The following PPP1R1C variants were observed in gnomAD, a reference collection of about 807,000 sequenced individuals.
PPP1R1C encodes the protein protein phosphatase 1 regulatory subunit 1C.
In PPP1R1C, 15 loss-of-function variants were observed where a neutral mutation model predicts 17.4. The ratio of observed to expected loss-of-function variants is 0.86; its 90% CI spans 0.58 to 1.33. The LOEUF is 1.33. Among genes scored for constraint, PPP1R1C ranks in the 40% most tolerant of loss-of-function variants. The pLI is 0.00. For synonymous variants in PPP1R1C, 35 were observed against 43.1 expected (o/e 0.81, Z 0.73); for missense variants, 143 against 130.0 (o/e 1.10, Z -0.48).
chr2:182,120,199 C>T (rs932883575), downstream of PPP1R1C, among the ~76,000 whole-genome samples: 4 of 152,094 alleles, frequency 2.6e-5, no homozygotes, highest in African/African-American at 9.7e-5. Context: ...CCAGGTTTGT[C>T]AAAGATCAGA....
chr2:181,999,637 T>C (rs1685703871), intron 2 of PPP1R1C, among the ~76,000 whole-genome samples: 1 of 152,164 alleles, frequency 6.6e-6, no homozygotes, highest in Admixed American at 6.5e-5. Flanking sequence ...TATATCCCAA[T>C]ATGTATTTCA....
At chr2:182,021,794 G>C (rs1009416701) in intron 2 of PPP1R1C, among the ~76,000 whole-genome samples, 1 of 152,188 alleles carries the variant, frequency 6.6e-6, no homozygotes, top group Non-Finnish European at 1.5e-5. Context: ...ATATGGTCTA[G>C]AAAGTATCAG....
chr2:181,989,729 G>GT (rs1028148009), intron 2 of PPP1R1C, among the ~76,000 whole-genome samples: 3 of 151,836 alleles, frequency 2.0e-5, no homozygotes, highest in African/African-American at 7.3e-5. Context: ...ACTTCTCTTT[G>GT]TTTTTTAAGC....
chr2:181,999,994 C>T (rs905017633), intron 2 of PPP1R1C, among the ~76,000 whole-genome samples: 3 of 152,148 alleles, frequency 2.0e-5, no homozygotes, highest in African/African-American at 7.2e-5. Context: ...TGTGCACATA[C>T]AGTCATCTTC....
At chr2:182,055,425 T>C (rs1687653932) in intron 2 of PPP1R1C, among the ~76,000 whole-genome samples, 1 of 152,186 alleles carries the variant, frequency 6.6e-6, no homozygotes, top group Non-Finnish European at 1.5e-5. Context: ...CATTTTTGCT[T>C]TTTCCATTAT....
chr2:182,129,981 G>A (rs1689968494), exon 6 of PPP1R1C: 2 of 152,026 alleles, frequency 1.3e-5, no homozygotes, highest in Admixed American at 6.6e-5. Context: ...AAGTAAATTT[G>A]AAACTTTAAT....
chr2:181,979,879 T>G (rs1685163427), intron 2 of PPP1R1C, among the ~76,000 whole-genome samples: 1 of 152,214 alleles, frequency 6.6e-6, no homozygotes, highest in African/African-American at 2.4e-5. Context: ...TTTTTGTGTG[T>G]TTTTGTGTAT....
intron 1 of PPP1R1C, among the ~76,000 whole-genome samples, chr2:181,971,385 G>A (rs183803639): frequency 6.6e-6 from 1 of 152,246 alleles, no homozygotes; most frequent in East Asian, 1.9e-4. Flanking sequence ...CTGGAATGGG[G>A]GACTCAGGAC....
intron 4 of PPP1R1C, among the ~76,000 whole-genome samples, chr2:182,079,112 A>T (rs1688399067): frequency 6.6e-6 from 1 of 152,258 alleles, no homozygotes; most frequent in Admixed American, 6.5e-5. Context: ...TCCAGAAACC[A>T]TTAAATCAGG....
At chr2:182,128,708 T>C (rs1420825949) in intron 5 of PPP1R1C, among the ~76,000 whole-genome samples, 1 of 152,154 alleles carries the variant, frequency 6.6e-6, no homozygotes, top group South Asian at 2.1e-4. Flanking sequence ...TTTTGTCTTT[T>C]AAAACTTCCC....
downstream of PPP1R1C, among the ~76,000 whole-genome samples, chr2:182,121,916 GA>G (rs555428375): frequency 7.6e-4 from 116 of 152,188 alleles, no homozygotes; most frequent in African/African-American, 2.7e-3. Flanking sequence ...ATTCATCTCT[GA>G]AAACTCCAGA....
intron 4 of PPP1R1C, among the ~76,000 whole-genome samples, chr2:182,092,503 TCTCAA>T (rs955531560): frequency 2.2e-4 from 34 of 152,036 alleles, no homozygotes; most frequent in African/African-American, 8.2e-4. Flanking sequence ...TCTCCCAAAT[TCTCAA>T]CTCATTTCAT....
At chr2:182,088,191 G>A (rs1688685628) in intron 4 of PPP1R1C, among the ~76,000 whole-genome samples, 3 of 152,104 alleles carry the variant, frequency 2.0e-5, no homozygotes, top group African/African-American at 4.8e-5. Context: ...AGATTTACGG[G>A]TAGATCTCTT....
intron 4 of PPP1R1C, among the ~76,000 whole-genome samples, chr2:182,077,755 G>A (rs989387764): frequency 6.6e-6 from 1 of 152,062 alleles, no homozygotes; most frequent in African/African-American, 2.4e-5. Context: ...TTCTTCATTG[G>A]CAATGAAACA....
chr2:182,061,551 T>C, intron 3 of PPP1R1C, 72 bp downstream of exon 3: 1 of 883,380 alleles, frequency 1.1e-6, no homozygotes, highest in East Asian at 3.1e-5. Context: ...CTTGATTTGA[T>C]GTGATATAAA....
In PPP1R1C at chr2:181,993,707, CAT is replaced by C. The variant is rs552122778; in HGVS notation, c.142+5809_142+5810del. On this transcript the variant is annotated intron_variant, in intron 2 of 4. Transcript: ENST00000682840. ...CTGAATGATTTTTTAAAAAGTTACA[CAT>C]GTGGCTTTCAGTGATTCATGTACTG... 1.2e-4 allele frequency among the ~76,000 whole-genome samples: 19 copies of C among 152,230 alleles called. No individual in the cohort carries two copies. In the East Asian group the frequency reaches 3.7e-3, roughly 29 times the overall value.
At chr2:181,990,698 A>C (rs1469768023) in intron 2 of PPP1R1C, among the ~76,000 whole-genome samples, 2 of 152,242 alleles carry the variant, frequency 1.3e-5, no homozygotes, top group African/African-American at 4.8e-5. Flanking sequence ...GCGATCCAAC[A>C]GTTTCTTTTC....
downstream of PPP1R1C, chr2:182,131,355 T>C (rs2125245419): frequency 6.6e-6 from 1 of 152,216 alleles, no homozygotes; most frequent in East Asian, 1.9e-4. Flanking sequence ...TTTTGCTGTA[T>C]GGAAATAAAA....
In PPP1R1C at chr2:182,103,039, A is replaced by G. The variant is rs1272508286; in HGVS notation, c.242-14168A>G. 5.3e-5 allele frequency among the ~76,000 whole-genome samples: 8 copies of G among 152,150 alleles called. No homozygotes were observed. In the South Asian group the frequency reaches 1.0e-3, roughly 20 times the overall value. On this transcript the variant is annotated intron_variant, in intron 4 of 4. Transcript: ENST00000682840. ...GGCTGGTCTCAAACTCCTGGGCTCA[A>G]GCAATCCACCTGCCTTGGCCTCCCA...
Sources: gnomAD v4.1 joint callset for allele counts (sites outside exome capture counted in the v4.1 genomes callset) on GRCh38, gnomAD v4.1.1 for gene constraint, MANE v1.5 for transcripts, NCBI Gene and HGNC (gene_info 2026-07-23, HGNC 2026-07-21) for gene names.